The following OXR1 variants were observed in gnomAD, a reference collection of about 807,000 sequenced individuals.
OXR1 encodes oxidation resistance 1.
OXR1 carries 41 observed loss-of-function variants against 104.6 expected under a neutral mutation model. The ratio of observed to expected loss-of-function variants is 0.39; its 90% CI spans 0.31 to 0.51. The LOEUF (loss-of-function observed/expected upper bound fraction) is 0.51, where lower values mean the gene tolerates loss of function less well. Ranked by LOEUF, OXR1 falls within the 20% of genes least tolerant of loss-of-function variation. The pLI, the probability that OXR1 is intolerant of heterozygous loss-of-function variation, is 0.77. For synonymous variants in OXR1, 348 were observed against 348.4 expected (o/e 1.00, Z 0.01); for missense variants, 955 against 1,031.9 (o/e 0.93, Z 1.02).
chr8:106,670,899 A>G (rs564851855), intron 3 of OXR1, among the ~76,000 whole-genome samples: 3 of 151,874 alleles, frequency 2.0e-5, no homozygotes, highest in African/African-American at 7.2e-5. Context: ...AAATATAAAA[A>G]TCAGGCGTGG....
At position 106,706,800 on chromosome 8, in the gene OXR1, G is replaced by A. The variant is rs754107022; in HGVS notation, c.1279G>A (p.Ala427Thr). The A allele has an allele frequency of 4.3e-6, 7 of 1,612,488 alleles. 1 individual carries two copies. The highest frequency in any genetic ancestry group is 2.2e-5 in the East Asian group (1 of 44,862). ...AATGGCCATTAAGGAAGATCAGATT[G>A]CAGATAACTTTCAAGGAATATCAGG... ...LEMAIKEDQI[A>T]DNFQGISGPK... Residue 427 changes from alanine (A) to threonine (T), a missense_variant, in exon 9 of 17, where the codon GCA (alanine) becomes ACA (threonine). Coordinates refer to ENST00000517566, the MANE Select transcript of OXR1 (RefSeq NM_001198533.2).
chr8:106,706,930 G>T lies in OXR1; in HGVS notation c.1409G>T (p.Cys470Phe), dbSNP rs1831195532. 3 of 1,612,856 alleles carry T rather than the reference G, an allele frequency of 1.9e-6. No individual in the cohort carries two copies. Among genetic ancestry groups the T allele is most frequent in the African/African-American group, 1.3e-5 (1 of 74,760 alleles). ...GAGAGTCAAAAAGAAAATATGCCTT[G>T]TGGGGAAACAGCAGAATTTAAACAA... ...QEESQKENMP[C>F]GETAEFKQKQ... Residue 470 changes from cysteine (C) to phenylalanine (F), a missense_variant, in exon 9 of 17, where the codon TGT becomes TTT. This residue lies in a region of OXR1 where 849 missense variants were observed against 852.9 expected (regional missense o/e 1.00). Transcript: ENST00000517566.
intron 2 of OXR1, among the ~76,000 whole-genome samples, chr8:106,360,229 C>G (rs1463340201): frequency 6.6e-6 from 1 of 151,968 alleles, no homozygotes; most frequent in African/African-American, 2.4e-5. Flanking sequence ...AAAAAATGAG[C>G]TTTTCTATAG....
At chr8:106,276,695 C>T (rs1403901215) in intron 1 of OXR1, among the ~76,000 whole-genome samples, 1 of 139,380 alleles carries the variant, frequency 7.2e-6, no homozygotes, top group African/African-American at 2.7e-5. Flanking sequence ...TAAAAATGCT[C>T]AAGAACCGAT....
At chr8:106,576,160 A>T (rs1229594579) in intron 3 of OXR1, among the ~76,000 whole-genome samples, 2 of 152,088 alleles carry the variant, frequency 1.3e-5, no homozygotes, top group Non-Finnish European at 2.9e-5. Flanking sequence ...TCACAGAAAA[A>T]AATCACTTTT....
At chr8:106,512,695 C>T (rs75454022) in intron 2 of OXR1, among the ~76,000 whole-genome samples, 24 of 151,624 alleles carry the variant, frequency 1.6e-4, no homozygotes, top group Admixed American at 6.6e-4. Context: ...GCATGATAGA[C>T]GAGGAAAGAT....
At chr8:106,697,833 C>T (rs748766753) in intron 7 of OXR1, 113 of 1,612,264 alleles carry the variant, frequency 7.0e-5, no homozygotes, top group Middle Eastern at 1.7e-4. Context: ...CACATAACAC[C>T]GTGCCATCCT....
chr8:106,630,643 A>C (rs544776684), intron 3 of OXR1, among the ~76,000 whole-genome samples: 305 of 152,338 alleles, frequency 2.0e-3, no homozygotes, highest in African/African-American at 6.9e-3. Context: ...ACACAAAGTA[A>C]CATGATAGCA....
chr8:106,378,502 T>A (rs1586583830), intron 2 of OXR1, among the ~76,000 whole-genome samples: 1 of 149,956 alleles, frequency 6.7e-6, no homozygotes, highest in East Asian at 1.9e-4. Flanking sequence ...ATCTGACTTT[T>A]GTTGTTGTTG....
chr8:106,474,014 C>CACAT (rs1821666565), intron 2 of OXR1, among the ~76,000 whole-genome samples: 1 of 36,898 alleles, frequency 2.7e-5, no homozygotes, highest in Admixed American at 2.6e-4. Flanking sequence ...TATATTTATA[C>CACAT]ACACACACAC....
intron 6 of OXR1, among the ~76,000 whole-genome samples, chr8:106,691,378 T>C (rs1829256310): frequency 6.6e-6 from 1 of 151,976 alleles, no homozygotes; most frequent in African/African-American, 2.4e-5. Flanking sequence ...TTTATGTAAG[T>C]TACGGTGAGG....
intron 3 of OXR1, among the ~76,000 whole-genome samples, chr8:106,588,078 A>C (rs2130674670): frequency 6.6e-6 from 1 of 152,002 alleles, no homozygotes; most frequent in East Asian, 1.9e-4. Flanking sequence ...CAGCCTCCCA[A>C]GTAGCTGGGA....
At chr8:106,422,777 G>A (rs1023748374) in intron 2 of OXR1, among the ~76,000 whole-genome samples, 3 of 152,138 alleles carry the variant, frequency 2.0e-5, no homozygotes, top group Non-Finnish European at 4.4e-5. Context: ...ACTGCCTAAG[G>A]TCACAGTCAG....
chr8:106,421,317 T>C (rs1270405661), intron 2 of OXR1, among the ~76,000 whole-genome samples: 1 of 152,204 alleles, frequency 6.6e-6, no homozygotes, highest in Non-Finnish European at 1.5e-5. Flanking sequence ...TGTTTGCTAA[T>C]TGACAAGTGT....
chr8:106,445,372 T>C (rs887141631), intron 2 of OXR1, among the ~76,000 whole-genome samples: 4 of 152,186 alleles, frequency 2.6e-5, no homozygotes, highest in African/African-American at 9.7e-5. Context: ...CATTCAAACA[T>C]TAGCATTTTC....
At chr8:106,567,708 G>A (rs1817183051) in intron 3 of OXR1, among the ~76,000 whole-genome samples, 1 of 152,162 alleles carries the variant, frequency 6.6e-6, no homozygotes, top group Non-Finnish European at 1.5e-5. Context: ...TTCAGGAAGA[G>A]TTGATAAGGG....
At chr8:106,739,309 A>G (rs532093924) in intron 12 of OXR1, 149 bp from the exon 13 acceptor site, 4 of 646,870 alleles carry the variant, frequency 6.2e-6, no homozygotes, top group East Asian at 2.7e-5. Context: ...GATATTAGAT[A>G]TGGGCCATCT....
intron 2 of OXR1, among the ~76,000 whole-genome samples, chr8:106,407,313 T>G (rs1818283183): frequency 6.6e-6 from 1 of 152,172 alleles, no homozygotes; most frequent in Non-Finnish European, 1.5e-5. Context: ...TGAGTTCTCC[T>G]TTGAATCTGA....
intron 11 of OXR1, among the ~76,000 whole-genome samples, chr8:106,728,138 A>G (rs1235626810): frequency 6.6e-6 from 1 of 150,860 alleles, no homozygotes; most frequent in Non-Finnish European, 1.5e-5. Context: ...GAAAAGGATT[A>G]GCAGTTCTTT....
Sources: gnomAD v4.1 joint callset for allele counts (sites outside exome capture counted in the v4.1 genomes callset) on GRCh38, gnomAD v4.1.1 for gene constraint, gnomAD v4.1.1 regional missense constraint, MANE v1.5 for transcripts, NCBI Gene and HGNC (gene_info 2026-07-23, HGNC 2026-07-21) for gene names.